Variants in GTSE1 observed in about 807,000 individuals in gnomAD.
The protein encoded by GTSE1 is G2 and S phase-expressed protein 1.
GTSE1 carries 52 observed loss-of-function variants against 60.5 expected under a neutral mutation model. That is an observed-to-expected ratio of 0.86 (90% CI 0.69 to 1.08). The LOEUF (loss-of-function observed/expected upper bound fraction) is 1.08, where lower values mean the gene tolerates loss of function less well. Ranked by LOEUF, GTSE1 falls within the 50% of genes least tolerant of loss-of-function variation. The probability of loss-of-function intolerance (pLI) is 0.00; values close to 1 mark genes in which losing one functional copy is unlikely to be tolerated. For missense variants in GTSE1, 937 were observed against 961.8 expected, an observed-to-expected ratio of 0.97 and a Z score of 0.34; for synonymous variants, 368 against 386.5, an observed-to-expected ratio of 0.95 and a Z score of 0.56.
rs151004307 is a variant in GTSE1 at position 46,298,520 on chromosome 22, C to A, written c.79+1041C>A. On this transcript the variant is annotated intron_variant, in intron 2 of 11. Coordinates refer to ENST00000454366, the MANE Select transcript of GTSE1 (RefSeq NM_016426.7). ...ATGGGGTTTTACCATGTTGGCCAGG[C>A]TGGTCTCAAACTCCTGACCTCAGGT... 3.7e-3 allele frequency among the ~76,000 whole-genome samples: 557 copies of A among 152,274 alleles called. 4 individuals carry two copies. The highest frequency in any genetic ancestry group is 0.011 in the African/African-American group (464 of 41,530).
intron 2 of GTSE1, among the ~76,000 whole-genome samples, chr22:46,303,505 A>C (rs1339615438): frequency 6.6e-6 from 1 of 152,132 alleles, no homozygotes; most frequent in Non-Finnish European, 1.5e-5. Context: ...CAGTGTGATC[A>C]TGTTACCTCC....
At position 46,316,334 on chromosome 22, in the gene GTSE1, C is replaced by T. The variant is rs780615307; in HGVS notation, c.1354C>T (p.Arg452Ter). ...GAATAAGACTAGAAGTATCAGACGG[C>T]GAGATTCCTGTCTAAATTCCAAGAC... ...QLNKTRSIRR[R>*]DSCLNSKTKV... The change falls in exon 7 of 12, where the codon CGA becomes TGA. Residue 452 changes from arginine to a stop codon, truncating the protein, a stop_gained. Coordinates refer to ENST00000454366, the MANE Select transcript of GTSE1 (RefSeq NM_016426.7). LOFTEE classifies it high-confidence loss of function. This position sits in a 1 kb window ranked among gnomAD's most constrained non-coding sequence, Gnocchi z 5.0. 8.1e-6 allele frequency: 13 copies of T among 1,612,352 alleles called. No homozygotes were observed. Among genetic ancestry groups the T allele is most frequent in the Middle Eastern group, 1.6e-4 (1 of 6,080 alleles).
rs1028519270 is a variant in GTSE1, at chr22:46,316,811, C to G, written c.1432+399C>G. On this transcript the variant is annotated intron_variant, in intron 7 of 11. Transcript: ENST00000454366. This position sits in a 1 kb window ranked among gnomAD's most constrained non-coding sequence, Gnocchi z 5.0. Reference sequence around the variant, plus strand: ...CGTTGGCCATTATTTCTTCAGCTATCTTTTCCTCTTTCCACTTTATTTCCT... The same window carrying G: ...CGTTGGCCATTATTTCTTCAGCTATGTTTTCCTCTTTCCACTTTATTTCCT... 2.6e-5 allele frequency among the ~76,000 whole-genome samples: 4 copies of G among 152,118 alleles called. No homozygotes were observed. The highest frequency in any genetic ancestry group is 6.5e-5 in the Admixed American group (1 of 15,270).
At chr22:46,306,232 A>C (rs1047753405) in intron 2 of GTSE1, among the ~76,000 whole-genome samples, 1 of 152,104 alleles carries the variant, frequency 6.6e-6, no homozygotes, top group African/African-American at 2.4e-5. Context: ...CCCAGGCTGG[A>C]GTGCAGTGGC....
intron 4 of GTSE1, among the ~76,000 whole-genome samples, chr22:46,311,239 G>C (rs1008241593): frequency 6.6e-6 from 1 of 151,926 alleles, no homozygotes; most frequent in Non-Finnish European, 1.5e-5. Flanking sequence ...CACCACGCCC[G>C]GCTAATTTTT....
chr22:46,302,530 T>A (rs1251162698), intron 2 of GTSE1, among the ~76,000 whole-genome samples: 1 of 151,904 alleles, frequency 6.6e-6, no homozygotes, highest in East Asian at 1.9e-4. Context: ...CCTAGCTAAT[T>A]TTTGTATTTT....
intron 9 of GTSE1, chr22:46,327,388 T>C (rs952914250): frequency 6.6e-6 from 1 of 151,958 alleles, no homozygotes; most frequent in Non-Finnish European, 1.5e-5. Flanking sequence ...AAGTTAACTA[T>C]CTTAGCCGGG....
rs2077765158 is a variant in GTSE1, at chr22:46,314,122, G to A, written c.1051+109G>A. The A allele has an allele frequency of 2.5e-5, 34 of 1,365,974 alleles. No homozygotes were observed. The highest frequency in any genetic ancestry group is 8.8e-5 in the Admixed American group (5 of 56,848). 84.6% of individuals were successfully genotyped at this position (1,365,974 alleles called of 1,614,324 possible). A position where few individuals can be genotyped will look rare whatever the true frequency, so the allele number is the denominator to read the frequency against. ...CAGAACCACTTAGGCTTGGCAGGAC[G>A]TCCCGGAGGGCGTGCTGTGTGCGGT... On this transcript the variant is annotated intron_variant, in intron 6 of 11. Transcript: ENST00000454366. The surrounding 1 kb of genome is among the most constrained non-coding windows in gnomAD (Gnocchi z 7.1).
intron 2 of GTSE1, among the ~76,000 whole-genome samples, chr22:46,303,577 C>T (rs558064681): frequency 1.3e-5 from 2 of 152,310 alleles, no homozygotes; most frequent in South Asian, 4.1e-4. Flanking sequence ...AAGAATTGTG[C>T]TTGGAGATGT....
In GTSE1 at chr22:46,313,859, G is replaced by A; in HGVS notation, c.928-31G>A. On this transcript the variant is annotated intron_variant, in intron 5 of 11. Transcript: ENST00000454366. The surrounding 1 kb of genome is among the most constrained non-coding windows in gnomAD (Gnocchi z 4.4). ...GTAATAGGTAAATAACGAGATCTTT[G>A]CTGATTCTGTTTTTTCACATTTTGC... The A allele has an allele frequency of 6.2e-7, 1 of 1,612,994 alleles. No individual in the cohort carries two copies. The highest frequency in any genetic ancestry group is 8.5e-7 in the Non-Finnish European group (1 of 1,179,196).
In GTSE1 at chr22:46,330,686, A is replaced by T. The variant is rs2077871333; in HGVS notation, c.*556A>T. 6.6e-6 allele frequency: 1 copy of T among 152,412 alleles called. No homozygotes were observed. The highest frequency in any genetic ancestry group is 2.1e-4 in the South Asian group (1 of 4,828). 9.4% of individuals were successfully genotyped at this position (152,412 alleles called of 1,614,324 possible). Reference sequence around the variant, plus strand: ...GAAGCCTCAGTCACTCTAAATGAAGAATTTTCTTTTGAATGTTTTGTATGT... The same window carrying T: ...GAAGCCTCAGTCACTCTAAATGAAGTATTTTCTTTTGAATGTTTTGTATGT... On this transcript the variant is annotated 3_prime_UTR_variant, in exon 12 of 12. Transcript: ENST00000454366. This position sits in a 1 kb window ranked among gnomAD's most constrained non-coding sequence, Gnocchi z 6.0.
rs1188258351 is a variant in GTSE1 at position 46,324,793 on chromosome 22, G to GT, written c.1505+1532dup. On this transcript the variant is annotated intron_variant, in intron 8 of 11. Transcript: ENST00000454366. This position sits in a 1 kb window ranked among gnomAD's most constrained non-coding sequence, Gnocchi z 5.2. ...GGGTTGACAGCAGTTGCTCTCTGGA[G>GT]TGATTCTGTTTCTCTCTTGATTTCA... Among the ~76,000 whole-genome samples the GT allele has an allele frequency of 5.3e-5, 8 of 152,198 alleles. No individual in the cohort carries two copies. The highest frequency in any genetic ancestry group is 1.2e-4 in the Non-Finnish European group (8 of 68,028).
rs1354133840 is a variant in GTSE1, at chr22:46,319,886, T to C, written c.1433-3304T>C. 6.6e-6 allele frequency among the ~76,000 whole-genome samples: 1 copy of C among 151,188 alleles called. No homozygotes were observed. The highest frequency in any genetic ancestry group is 1.5e-5 in the Non-Finnish European group (1 of 67,948). ...CTGTAATCCCAGCTACTTGGGAAGC[T>C]GAGGCAGGAGAATCACTTGAGCCAG... On this transcript the variant is annotated intron_variant, in intron 7 of 11. Coordinates refer to ENST00000454366, the MANE Select transcript of GTSE1 (RefSeq NM_016426.7). This position sits in a 1 kb window ranked among gnomAD's most constrained non-coding sequence, Gnocchi z 5.0.
At position 46,312,240 on chromosome 22, in the gene GTSE1, G is replaced by A; in HGVS notation, c.862G>A (p.Val288Ile). The A allele has an allele frequency of 6.2e-7, 1 of 1,614,198 alleles. No individual in the cohort carries two copies. Among genetic ancestry groups the A allele is most frequent in the Non-Finnish European group, 8.5e-7 (1 of 1,180,026 alleles). ...CCCTGACAAACCTGCCCCGGGTGCTGTCAATGTGCCGGCCGCCGGAAGCCA... is the reference window on the plus strand; with the variant it reads ...CCCTGACAAACCTGCCCCGGGTGCTATCAATGTGCCGGCCGCCGGAAGCCA... ...VLPDKPAPGA[V>I]NVPAAGSHLG... Residue 288 changes from valine to isoleucine, a missense_variant, in exon 5 of 12, where the codon GTC becomes ATC. Transcript: ENST00000454366.
In GTSE1 at chr22:46,308,948, A is replaced by G. The variant is rs371420066; in HGVS notation, c.762+5A>G. On this transcript the variant is annotated splice_donor_5th_base_variant and intron_variant, in intron 4 of 11. Transcript: ENST00000454366. The stretch of plus-strand genomic sequence containing the variant: ...ATCCCTGGGGCTGCGGAGAAGGTAA[A>G]TGCCACAGCAGAGCGCCTGCCTGGG... 3 of 1,603,818 alleles carry G rather than the reference A, an allele frequency of 1.9e-6. No individual in the cohort carries two copies. The African/African-American group carries it at 4.0e-5, about 21-fold the overall frequency.
chr22:46,308,137 T>A lies in GTSE1; in HGVS notation c.80-13T>A, dbSNP rs201502479. 39 of 1,592,018 alleles carry A rather than the reference T, an allele frequency of 2.4e-5. No individual in the cohort carries two copies. The highest frequency in any genetic ancestry group is 2.8e-5 in the Non-Finnish European group (32 of 1,160,370). The stretch of plus-strand genomic sequence containing the variant: ...CTGTGGCACTAAAATAACAGTGGAT[T>A]TTTTCCCTCTAGACATTCTTCTTTT... On this transcript the variant is annotated splice_polypyrimidine_tract_variant and intron_variant, in intron 2 of 11. Coordinates refer to ENST00000454366, the MANE Select transcript of GTSE1 (RefSeq NM_016426.7).
rs1029980026 is a variant in GTSE1 at position 46,319,067 on chromosome 22, C to T, written c.1432+2655C>T. On this transcript the variant is annotated intron_variant, in intron 7 of 11. Transcript: ENST00000454366. This position sits in a 1 kb window ranked among gnomAD's most constrained non-coding sequence, Gnocchi z 5.0. ...TAGGACACGTTGTCTTTATTCCGCACACAGCTGAAATTTCTTACTGAGAAG... is the reference window on the plus strand; with the variant it reads ...TAGGACACGTTGTCTTTATTCCGCATACAGCTGAAATTTCTTACTGAGAAG... Among the ~76,000 whole-genome samples, 1 of 152,206 alleles carries T rather than the reference C, an allele frequency of 6.6e-6. No homozygotes were observed. The highest frequency in any genetic ancestry group is 1.5e-5 in the Non-Finnish European group (1 of 68,034).
Position 46,308,874 on chromosome 22 carries a change from C to G in GTSE1, c.693C>G (p.Pro231=). The part of the protein sequence containing the change: ...AASQAATQRK[P]GTKLLLPRAA... ...GTCAGGCAGCGACTCAGAGGAAGCC[C>G]GGGACCAAATTGCTGCTGCCTCGAG... is the stretch of plus-strand genomic sequence containing the variant. The change falls in exon 4 of 12, where the codon CCC becomes CCG. Residue 231 remains proline, a synonymous_variant. Coordinates refer to ENST00000454366, the MANE Select transcript of GTSE1 (RefSeq NM_016426.7). 1 of 1,613,198 alleles carries G rather than the reference C, an allele frequency of 6.2e-7. No homozygotes were observed. Among genetic ancestry groups the G allele is most frequent in the Non-Finnish European group, 8.5e-7 (1 of 1,180,028 alleles).
In GTSE1 at chr22:46,296,932, G is replaced by C. The variant is rs2077659602; in HGVS notation, c.-22+1G>C. The C allele has an allele frequency of 6.2e-6, 1 of 162,370 alleles. No individual in the cohort carries two copies. 10.1% of individuals were successfully genotyped at this position (162,370 alleles called of 1,614,324 possible). ...CGTCCTGCATCGTCTGCCGCTTTGG[G>C]TAAGGTGGGGTCAGGGTCGGGGGCG... On this transcript the variant is annotated splice_donor_variant, in intron 1 of 11. Transcript: ENST00000454366. LOFTEE classifies it low-confidence loss of function (5UTR_SPLICE).
Sources: gnomAD v4.1 joint callset for allele counts (sites outside exome capture counted in the v4.1 genomes callset) on GRCh38, gnomAD v4.1.1 for gene constraint, Gnocchi (gnomAD v3.1) non-coding constraint, MANE v1.5 for transcripts, NCBI Gene and HGNC (gene_info 2026-07-23, HGNC 2026-07-21) for gene names.